The following GLIS3 variants were observed in gnomAD, a reference collection of about 807,000 sequenced individuals.
The protein encoded by GLIS3 is GLIS family zinc finger 3.
GLIS3 carries 53 observed loss-of-function variants against 78.6 expected under a neutral mutation model. The observed-to-expected ratio is 0.67, with a 90% confidence interval of 0.54 to 0.85. The LOEUF (loss-of-function observed/expected upper bound fraction) is 0.85. GLIS3 is among the 40% of genes least tolerant of loss of function. The pLI, the probability that GLIS3 is intolerant of heterozygous loss-of-function variation, is 0.00. For synonymous variants in GLIS3, 684 were observed against 509.9 expected (o/e 1.34, Z -4.60); for missense variants, 1,703 against 1,231.1 (o/e 1.38, Z -5.74).
chr9:3,870,457 C>T (rs538402947), intron 8 of GLIS3, among the ~76,000 whole-genome samples: 50 of 152,264 alleles, frequency 3.3e-4, no homozygotes, highest in Non-Finnish European at 5.4e-4. Flanking sequence ...CTGTTAAAGA[C>T]GTACCTGAGA....
At chr9:3,958,944 A>G (rs538574839) in intron 4 of GLIS3, among the ~76,000 whole-genome samples, 1 of 152,242 alleles carries the variant, frequency 6.6e-6, no homozygotes, top group Non-Finnish European at 1.5e-5. Flanking sequence ...CTATGAGGTG[A>G]GAAGTCTGGA....
intron 2 of GLIS3, among the ~76,000 whole-genome samples, chr9:4,225,721 T>C (rs16920940): frequency 0.063 from 9,543 of 152,282 alleles, 963 homozygotes; most frequent in African/African-American, 0.21. Context: ...TTCCAAGTCA[T>C]TGACATTGCT....
At chr9:4,369,081 T>C in the GLIS3 span, among the ~76,000 whole-genome samples, 1 of 152,332 alleles carries the variant, frequency 6.6e-6, no homozygotes, top group East Asian at 1.9e-4. Context: ...CCACAAGTAC[T>C]TAGATGCTTT....
intron 2 of GLIS3, among the ~76,000 whole-genome samples, chr9:4,199,640 G>A (rs1211501080): frequency 1.3e-5 from 2 of 151,626 alleles, no homozygotes; most frequent in Non-Finnish European, 2.9e-5. Flanking sequence ...TAACATTGGA[G>A]CACTCATACT....
intron 4 of GLIS3, among the ~76,000 whole-genome samples, chr9:4,032,852 A>G (rs115112574): frequency 1.2e-3 from 179 of 149,852 alleles, no homozygotes; most frequent in African/African-American, 4.3e-3. Context: ...GGAATTGAGA[A>G]TTCTTTTTTT....
rs61632872 is a variant in GLIS3 at position 3,924,771 on chromosome 9, G to A, written c.1983+7589C>T. ...TGCCTGAGAAGGGCAATAGTGAGCTGTGTTATGAGATTTTAGGACACTATA... is the reference window on the plus strand; with the variant it reads ...TGCCTGAGAAGGGCAATAGTGAGCTATGTTATGAGATTTTAGGACACTATA... On this transcript the variant is annotated intron_variant, in intron 6 of 10. Transcript: ENST00000381971. Among the ~76,000 whole-genome samples the A allele has an allele frequency of 3.8e-3, 584 of 152,352 alleles. 3 individuals are homozygous for A. Among genetic ancestry groups the A allele is most frequent in the African/African-American group, 0.013 (545 of 41,576 alleles).
intron 2 of GLIS3, among the ~76,000 whole-genome samples, chr9:4,327,183 T>A (rs190215038): frequency 3.9e-5 from 6 of 152,116 alleles, no homozygotes; most frequent in Non-Finnish European, 8.8e-5. Flanking sequence ...GAGTGTCCAG[T>A]GTCCCAGGCA....
the GLIS3 span, among the ~76,000 whole-genome samples, chr9:4,363,722 G>A: frequency 3.9e-5 from 6 of 152,122 alleles, no homozygotes; most frequent in South Asian, 2.1e-4. Flanking sequence ...ACTGGTTCAC[G>A]TCTTTGCTCT....
chr9:4,265,898 T>C (rs796535914), intron 2 of GLIS3, among the ~76,000 whole-genome samples: 54 of 52,862 alleles, frequency 1.0e-3, no homozygotes, highest in African/African-American at 2.8e-3. Flanking sequence ...CTCACCCTGG[T>C]TTTTTTTTTG....
At chr9:3,903,449 G>A (rs1254171021) in intron 6 of GLIS3, among the ~76,000 whole-genome samples, 1 of 152,214 alleles carries the variant, frequency 6.6e-6, no homozygotes, top group African/African-American at 2.4e-5. Flanking sequence ...GGACTGCCGT[G>A]TTGCATGACA....
upstream of GLIS3, among the ~76,000 whole-genome samples, chr9:4,350,804 GTT>G (rs1162127906): frequency 6.6e-6 from 1 of 151,998 alleles, no homozygotes; most frequent in East Asian, 1.9e-4. Context: ...GTTTTGTTTT[GTT>G]TTGTTTTTGT....
At chr9:3,992,951 G>A (rs1820440317) in intron 4 of GLIS3, among the ~76,000 whole-genome samples, 1 of 152,190 alleles carries the variant, frequency 6.6e-6, no homozygotes, top group South Asian at 2.1e-4. Context: ...TCCTTATAGG[G>A]TGTTTTTCTT....
chr9:4,086,830 T>G (rs779307252), intron 4 of GLIS3, among the ~76,000 whole-genome samples: 8 of 152,170 alleles, frequency 5.3e-5, no homozygotes, highest in Non-Finnish European at 5.9e-5. Context: ...GATTAATCTC[T>G]TTTTCCCCTC....
chr9:4,383,834 G>A, the GLIS3 span, among the ~76,000 whole-genome samples: 1 of 152,196 alleles, frequency 6.6e-6, no homozygotes, highest in Non-Finnish European at 1.5e-5. Context: ...TTAATTAAGA[G>A]GGAGGTATTG....
chr9:4,211,777 C>A (rs1212919244), intron 2 of GLIS3, among the ~76,000 whole-genome samples: 2 of 152,090 alleles, frequency 1.3e-5, no homozygotes, highest in African/African-American at 4.8e-5. Context: ...CAAATGTCCA[C>A]CAACTGATGA....
chr9:4,083,391 C>A (rs911446575), intron 4 of GLIS3, among the ~76,000 whole-genome samples: 1 of 152,120 alleles, frequency 6.6e-6, no homozygotes, highest in Non-Finnish European at 1.5e-5. Context: ...GTAGCTGCTA[C>A]TAGATACATG....
At chr9:4,330,135 C>G (rs902028533) in intron 2 of GLIS3, among the ~76,000 whole-genome samples, 2 of 152,208 alleles carry the variant, frequency 1.3e-5, no homozygotes, top group South Asian at 4.2e-4. Flanking sequence ...TCCCAAAACC[C>G]ACATCAGAAA....
intron 6 of GLIS3, among the ~76,000 whole-genome samples, chr9:3,932,066 A>G (rs962267925): frequency 5.3e-5 from 8 of 152,168 alleles, no homozygotes; most frequent in Admixed American, 3.9e-4. Context: ...TTCCAGTTTG[A>G]GGGACTTTCC....
chr9:4,322,403 G>T (rs1817546447), intron 2 of GLIS3, among the ~76,000 whole-genome samples: 1 of 151,998 alleles, frequency 6.6e-6, no homozygotes, highest in African/African-American at 2.4e-5. Context: ...CAAAGGATTG[G>T]GTATATTACT....
Sources: allele counts gnomAD v4.1 joint callset (sites outside exome capture counted in the v4.1 genomes callset), GRCh38; gene constraint gnomAD v4.1.1; transcripts MANE v1.5; gene names NCBI Gene and HGNC (gene_info 2026-07-23, HGNC 2026-07-21).